The following CDV3 variants were observed in gnomAD, a reference collection of about 807,000 sequenced individuals.
CDV3 encodes protein CDV3 homolog.
In CDV3, 14 loss-of-function variants were observed where a neutral mutation model predicts 24.5. That is an observed-to-expected ratio of 0.57 (90% CI 0.38 to 0.89). The LOEUF (loss-of-function observed/expected upper bound fraction) is 0.89, where lower values mean the gene tolerates loss of function less well. Among genes scored for constraint, CDV3 ranks in the 40% least tolerant of loss-of-function variants. The pLI is 0.00. For synonymous variants in CDV3, 114 were observed against 114.1 expected (o/e 1.00, Z 0.00); for missense variants, 304 against 310.2 (o/e 0.98, Z 0.15).
chr3:133,578,733 A>G (rs1360600394), intron 2 of CDV3, among the ~76,000 whole-genome samples: 2 of 152,198 alleles, frequency 1.3e-5, no homozygotes, highest in Non-Finnish European at 2.9e-5. Context: ...TGCTAGGTAT[A>G]ATAGGGACAA....
chr3:133,578,548 C>T (rs995044218), intron 2 of CDV3, among the ~76,000 whole-genome samples: 6 of 152,176 alleles, frequency 3.9e-5, no homozygotes, highest in Non-Finnish European at 8.8e-5. Context: ...TAATAGACAA[C>T]AGTAGATAAT....
chr3:133,581,210 A>T (rs1432681325), intron 2 of CDV3, among the ~76,000 whole-genome samples: 1 of 152,010 alleles, frequency 6.6e-6, no homozygotes, highest in Middle Eastern at 3.2e-3. Context: ...CCCTGTCTCT[A>T]CAAAAAAATG....
At position 133,575,563 on chromosome 3, in the gene CDV3, C is replaced by T. The variant is rs2074773805; in HGVS notation, c.317+448C>T. On this transcript the variant is annotated intron_variant, in intron 2 of 4. Transcript: ENST00000264993. Reference sequence around the variant, plus strand: ...GGTTTTATGTGTTCACACAGTGCAACCAACCTGTGCAATAAGCACCAGGTC... The same window carrying T: ...GGTTTTATGTGTTCACACAGTGCAATCAACCTGTGCAATAAGCACCAGGTC... Among the ~76,000 whole-genome samples, 2 of 152,186 alleles carry T rather than the reference C, an allele frequency of 1.3e-5. 1 individual carries two copies. Among genetic ancestry groups the T allele is most frequent in the South Asian group, 4.1e-4 (2 of 4,832 alleles).
chr3:133,580,177 G>C (rs2074961492), intron 2 of CDV3, among the ~76,000 whole-genome samples: 1 of 148,974 alleles, frequency 6.7e-6, no homozygotes, highest in Admixed American at 6.7e-5. Context: ...GTGTCCATTT[G>C]TTCTCATTGT....
At chr3:133,581,935 T>C (rs1024052339) in intron 2 of CDV3, among the ~76,000 whole-genome samples, 3 of 152,198 alleles carry the variant, frequency 2.0e-5, no homozygotes, top group African/African-American at 7.2e-5. Flanking sequence ...CTTGGCTATA[T>C]TTTTATTTTA....
intron 2 of CDV3, among the ~76,000 whole-genome samples, chr3:133,577,594 G>A (rs557268894): frequency 3.9e-5 from 6 of 151,908 alleles, no homozygotes; most frequent in Non-Finnish European, 8.8e-5. Flanking sequence ...TCCCGACCTC[G>A]GGTGATCCAC....
intron 3 of CDV3, among the ~76,000 whole-genome samples, chr3:133,584,388 T>C (rs557370421): frequency 8.5e-5 from 13 of 152,326 alleles, no homozygotes; most frequent in African/African-American, 2.2e-4. Context: ...TATATAGATA[T>C]AGACTAGTCG....
In CDV3 at chr3:133,589,535, GTCA is replaced by G. The variant is rs1408792230; in HGVS notation, c.*1494_*1496del. The stretch of plus-strand genomic sequence containing the variant: ...AATAGAAATATGTGAAAGTGGTAAT[GTCA>G]TCATTTGATGCAGAGTCCGGGTTTC... On this transcript the variant is annotated 3_prime_UTR_variant, in exon 5 of 5. Coordinates refer to ENST00000264993, the MANE Select transcript of CDV3 (RefSeq NM_017548.5). The G allele has an allele frequency of 3.9e-5, 6 of 152,674 alleles. No individual in the cohort carries two copies. Among genetic ancestry groups the G allele is most frequent in the Non-Finnish European group, 5.9e-5 (4 of 68,056 alleles). The allele number at this position is 152,674 out of a possible 1,614,324, so 9.5% of individuals were successfully genotyped here.
chr3:133,583,198 G>T (rs1429279649), intron 2 of CDV3, among the ~76,000 whole-genome samples: 4 of 152,178 alleles, frequency 2.6e-5, no homozygotes, highest in Non-Finnish European at 5.9e-5. Context: ...CATGTCTGGT[G>T]TTAGGGGCTA....
rs140610261 is a variant in CDV3 at position 133,588,730 on chromosome 3, A to G, written c.*684A>G. ...ACTAATTGTATTCTGAGGTAACCAC[A>G]AAATAAATTCAACCAAACTGGGGTC... On this transcript the variant is annotated 3_prime_UTR_variant, in exon 5 of 5. Coordinates refer to ENST00000264993, the MANE Select transcript of CDV3 (RefSeq NM_017548.5). The G allele has an allele frequency of 1.1e-4, 23 of 218,336 alleles. No individual in the cohort carries two copies. In the East Asian group the frequency reaches 2.2e-3, roughly 21 times the overall value. 13.5% of individuals were successfully genotyped at this position (218,336 alleles called of 1,614,324 possible).
At chr3:133,574,595 G>C in intron 1 of CDV3, 2 of 992,522 alleles carry the variant, frequency 2.0e-6, no homozygotes, top group Non-Finnish European at 2.4e-6. Context: ...TTTATCGGGT[G>C]ACGTCTAGGC....
At chr3:133,587,851 C>G (rs774248494) in intron 4 of CDV3, 45 bp from the exon 5 acceptor site, 1 of 1,545,278 alleles carries the variant, frequency 6.5e-7, no homozygotes, top group South Asian at 1.3e-5. Context: ...TTCAAAAACC[C>G]TAGTGAAGAA....
intron 2 of CDV3, among the ~76,000 whole-genome samples, chr3:133,578,850 T>C (rs548182476): frequency 1.3e-5 from 2 of 152,352 alleles, no homozygotes; most frequent in Admixed American, 1.3e-4. Flanking sequence ...TAAATTCTCA[T>C]GTCTCTTGAG....
rs1208130017 is a variant in CDV3 at position 133,589,911 on chromosome 3, TAAA to T, written c.*1870_*1872del. Reference sequence around the variant, plus strand: ...ACTTTTATTTGGGAATGAAAAACCTTAAAAAAATCTCTTCATCGTTGAACTGTG... The same window carrying T: ...ACTTTTATTTGGGAATGAAAAACCTTAAAATCTCTTCATCGTTGAACTGTG... On this transcript the variant is annotated 3_prime_UTR_variant, in exon 5 of 5. Transcript: ENST00000264993. The T allele has an allele frequency of 2.6e-5, 4 of 152,168 alleles. No individual in the cohort carries two copies. The highest frequency in any genetic ancestry group is 9.7e-5 in the African/African-American group (4 of 41,430). 9.4% of individuals were successfully genotyped at this position (152,168 alleles called of 1,614,324 possible).
Position 133,587,908 on chromosome 3 carries a change from G to C in CDV3, c.639G>C (p.Met213Ile). ...KHVESRKDKEMEKSFEVVRHK... is the reference protein window; with the variant it reads ...KHVESRKDKEIEKSFEVVRHK... Reference sequence around the variant, plus strand: ...TCTTTTCCCTTAGGGATAAAGAAATGGAGAAGAGCTTTGAAGTAGTAAGAC... The same window carrying C: ...TCTTTTCCCTTAGGGATAAAGAAATCGAGAAGAGCTTTGAAGTAGTAAGAC... Residue 213 changes from methionine (M) to isoleucine (I), a missense_variant, in exon 5 of 5, where the codon ATG (methionine) becomes ATC (isoleucine). Coordinates refer to ENST00000264993, the MANE Select transcript of CDV3 (RefSeq NM_017548.5). The C allele has an allele frequency of 6.2e-7, 1 of 1,607,864 alleles. No homozygotes were observed. Among genetic ancestry groups the C allele is most frequent in the Non-Finnish European group, 8.5e-7 (1 of 1,176,958 alleles).
chr3:133,579,051 A>G (rs1023647680), intron 2 of CDV3, among the ~76,000 whole-genome samples: 5 of 152,184 alleles, frequency 3.3e-5, no homozygotes, highest in Admixed American at 6.5e-5. Flanking sequence ...ATCCCACACT[A>G]TTTTGGCTCT....
At chr3:133,586,805 C>T (rs1933651202) in intron 4 of CDV3, 83 bp downstream of exon 4, 2 of 802,918 alleles carry the variant, frequency 2.5e-6, no homozygotes, top group South Asian at 3.2e-5. Flanking sequence ...TGCATACCCA[C>T]CCAAGGGAGA....
At chr3:133,578,372 G>A (rs142948478) in intron 2 of CDV3, among the ~76,000 whole-genome samples, 463 of 152,314 alleles carry the variant, frequency 3.0e-3, no homozygotes, top group Non-Finnish European at 4.8e-3. Context: ...AAATAATTGA[G>A]TTCTTGGAGC....
chr3:133,577,164 GTTTT>G (rs560690522), intron 2 of CDV3, among the ~76,000 whole-genome samples: 1 of 151,380 alleles, frequency 6.6e-6, no homozygotes, highest in Non-Finnish European at 1.5e-5. Context: ...CTTTTATATT[GTTTT>G]TTTTGTTTTC....
Sources: allele counts gnomAD v4.1 joint callset (sites outside exome capture counted in the v4.1 genomes callset), GRCh38; gene constraint gnomAD v4.1.1; transcripts MANE v1.5; gene names NCBI Gene and HGNC (gene_info 2026-07-23, HGNC 2026-07-21).